The following ADAMTS3 variants were observed in gnomAD, a reference collection of about 807,000 sequenced individuals.
The protein encoded by ADAMTS3 is A disintegrin and metalloproteinase with thrombospondin motifs 3.
ADAMTS3 carries 73 observed loss-of-function variants against 129.0 expected under a neutral mutation model. That is an observed-to-expected ratio of 0.57 (90% CI 0.47 to 0.69). ADAMTS3 has a LOEUF of 0.69. Ranked by LOEUF, ADAMTS3 falls within the 30% of genes least tolerant of loss-of-function variation. The pLI is 0.00. For synonymous variants in ADAMTS3, 477 were observed against 510.8 expected (o/e 0.93, Z 0.89); for missense variants, 1,457 against 1,514.5 (o/e 0.96, Z 0.63).
At chr4:72,516,821 C>G (rs1720497728) in intron 3 of ADAMTS3, among the ~76,000 whole-genome samples, 1 of 151,806 alleles carries the variant, frequency 6.6e-6, no homozygotes, top group Non-Finnish European at 1.5e-5. Flanking sequence ...AATTGAATAC[C>G]CTTTATTTCC....
intron 2 of ADAMTS3, among the ~76,000 whole-genome samples, chr4:72,562,956 C>T (rs190720602): frequency 7.4e-4 from 113 of 152,236 alleles, no homozygotes; most frequent in Non-Finnish European, 8.7e-4. Context: ...CCCAACTCTT[C>T]ATATCAAAAT....
chr4:72,499,454 A>C (rs918999813), intron 3 of ADAMTS3, among the ~76,000 whole-genome samples: 2 of 152,156 alleles, frequency 1.3e-5, no homozygotes, highest in African/African-American at 4.8e-5. Flanking sequence ...AATTCCACTA[A>C]AAAATGATGC....
At chr4:72,307,611 G>GT (rs1319796010) in intron 15 of ADAMTS3, among the ~76,000 whole-genome samples, 1 of 152,000 alleles carries the variant, frequency 6.6e-6, no homozygotes, top group East Asian at 1.9e-4. Context: ...AATATGTTCT[G>GT]TAAGTTTATG....
intron 3 of ADAMTS3, among the ~76,000 whole-genome samples, chr4:72,505,416 C>G (rs1014501537): frequency 6.6e-6 from 1 of 152,076 alleles, no homozygotes; most frequent in Admixed American, 6.5e-5. Flanking sequence ...CAGTAGATGG[C>G]GCTTATGGGT....
chr4:72,533,577 C>T lies in ADAMTS3; in HGVS notation c.504+14901G>A, dbSNP rs192037876. 8.4e-4 allele frequency among the ~76,000 whole-genome samples: 35 copies of T among 41,760 alleles called. No homozygotes were observed. The Middle Eastern group carries it at 0.037, about 44-fold the overall frequency. The allele number at this position is 41,760 out of a possible 152,430, so 27.4% of individuals were successfully genotyped here. On this transcript the variant is annotated intron_variant, in intron 3 of 21. Transcript: ENST00000286657. ...GCTATACTTTTGATGTGACTGGCAGCGCAGTACATTTATATGTATACACAT... is the reference window on the plus strand; with the variant it reads ...GCTATACTTTTGATGTGACTGGCAGTGCAGTACATTTATATGTATACACAT...
intron 3 of ADAMTS3, among the ~76,000 whole-genome samples, chr4:72,440,041 C>T (rs1479999301): frequency 1.3e-5 from 2 of 151,656 alleles, no homozygotes; most frequent in African/African-American, 4.8e-5. Flanking sequence ...AGCTTTTCTA[C>T]TTCAAATAGG....
intron 15 of ADAMTS3, among the ~76,000 whole-genome samples, chr4:72,307,896 C>T (rs1366869078): frequency 6.6e-6 from 1 of 151,930 alleles, no homozygotes; most frequent in African/African-American, 2.4e-5. Flanking sequence ...ATTGGTATGA[C>T]AGATGAAAAT....
chr4:72,464,157 C>G (rs1034502328), intron 3 of ADAMTS3, among the ~76,000 whole-genome samples: 2 of 152,044 alleles, frequency 1.3e-5, no homozygotes, highest in Non-Finnish European at 2.9e-5. Context: ...TCACAGCTAC[C>G]TGCTGCTCAC....
intron 3 of ADAMTS3, among the ~76,000 whole-genome samples, chr4:72,545,243 T>C (rs1201018716): frequency 2.6e-5 from 4 of 152,076 alleles, no homozygotes; most frequent in African/African-American, 9.7e-5. Context: ...AGACATGAGA[T>C]GTGAAAATGA....
chr4:72,435,261 G>T (rs1440381588), intron 3 of ADAMTS3, among the ~76,000 whole-genome samples: 1 of 151,678 alleles, frequency 6.6e-6, no homozygotes, highest in Non-Finnish European at 1.5e-5. Context: ...TGCCTTTTTA[G>T]GCAACTCAAA....
chr4:72,358,087 G>C (rs558615888), intron 4 of ADAMTS3, among the ~76,000 whole-genome samples: 36 of 151,980 alleles, frequency 2.4e-4, no homozygotes, highest in African/African-American at 8.2e-4. Flanking sequence ...TTCCTAGGGG[G>C]TGGAATGCCT....
In ADAMTS3 at chr4:72,501,484, T is replaced by C. The variant is rs1432057463; in HGVS notation, c.504+46994A>G. 3.3e-5 allele frequency among the ~76,000 whole-genome samples: 5 copies of C among 152,152 alleles called. No homozygotes were observed. In the South Asian group the frequency reaches 6.2e-4, roughly 19 times the overall value. ...ATTGATTTTGTATCCTGAAACTTCATTGAAATCATTTGTCAGTACCAGCAG... is the reference window on the plus strand; with the variant it reads ...ATTGATTTTGTATCCTGAAACTTCACTGAAATCATTTGTCAGTACCAGCAG... On this transcript the variant is annotated intron_variant, in intron 3 of 21. Transcript: ENST00000286657.
chr4:72,304,885 G>A (rs1342355078), intron 16 of ADAMTS3, among the ~76,000 whole-genome samples: 7 of 151,848 alleles, frequency 4.6e-5, no homozygotes, highest in Non-Finnish European at 1.0e-4. Context: ...TTTTTTCCAA[G>A]GACATTAATA....
At chr4:72,528,670 C>A (rs1720879385) in intron 3 of ADAMTS3, among the ~76,000 whole-genome samples, 1 of 151,924 alleles carries the variant, frequency 6.6e-6, no homozygotes, top group Non-Finnish European at 1.5e-5. Context: ...TATATAAAAT[C>A]TTAGGTACCT....
chr4:72,384,249 A>T (rs927648365), intron 4 of ADAMTS3, among the ~76,000 whole-genome samples: 4 of 152,148 alleles, frequency 2.6e-5, no homozygotes, highest in Non-Finnish European at 4.4e-5. Context: ...GAGAAAAATT[A>T]TTTGAAATGA....
chr4:72,463,256 T>G (rs374943395), intron 3 of ADAMTS3, among the ~76,000 whole-genome samples: 13 of 152,142 alleles, frequency 8.5e-5, no homozygotes, highest in African/African-American at 3.1e-4. Context: ...GTAAGTACAC[T>G]GCATGATGTT....
intron 5 of ADAMTS3, among the ~76,000 whole-genome samples, chr4:72,326,880 A>G (rs1289846273): frequency 6.6e-6 from 1 of 152,160 alleles, no homozygotes; most frequent in Non-Finnish European, 1.5e-5. Flanking sequence ...AAATCATTTA[A>G]AAGCTATTTC....
chr4:72,513,468 C>T (rs1314763299), intron 3 of ADAMTS3, among the ~76,000 whole-genome samples: 1 of 152,176 alleles, frequency 6.6e-6, no homozygotes, highest in Non-Finnish European at 1.5e-5. Flanking sequence ...TGTCTTTCCA[C>T]TTCCGTTTCA....
intron 5 of ADAMTS3, chr4:72,330,754 T>A (rs1392497126): frequency 6.6e-6 from 1 of 152,220 alleles, no homozygotes; most frequent in Non-Finnish European, 1.5e-5. Context: ...TTTCCTTTTA[T>A]GTGAATTATG....
Sources: gnomAD v4.1 joint callset for allele counts (sites outside exome capture counted in the v4.1 genomes callset) on GRCh38, gnomAD v4.1.1 for gene constraint, MANE v1.5 for transcripts, NCBI Gene and HGNC (gene_info 2026-07-23, HGNC 2026-07-21) for gene names.